PRR5: variants seen among roughly 807,000 people sequenced by gnomAD.
PRR5 encodes proline-rich protein 5.
PRR5 carries 25 observed loss-of-function variants against 30.6 expected under a neutral mutation model. The ratio of observed to expected loss-of-function variants is 0.82; its 90% CI spans 0.60 to 1.14. PRR5 has a LOEUF of 1.14. Ranked by LOEUF, PRR5 falls within the 50% of genes most tolerant of loss-of-function variation. PRR5 has a pLI of 0.00. For synonymous variants in PRR5, 286 were observed against 247.1 expected, an observed-to-expected ratio of 1.16 and a Z score of -1.48; for missense variants, 600 against 547.1, an observed-to-expected ratio of 1.10 and a Z score of -0.96.
intron 1 of PRR5, 115 bp from the exon 2 acceptor site, chr22:44,714,476 G>A: frequency 6.9e-7 from 1 of 1,439,386 alleles, no homozygotes; most frequent in Admixed American, 1.8e-5. Flanking sequence ...GCAGGGTCCT[G>A]CAGGGATGGC....
Position 44,724,396 on chromosome 22 carries a change from C to T in PRR5, c.216-848C>T, listed in dbSNP as rs757436361. Among the ~76,000 whole-genome samples the T allele has an allele frequency of 4.6e-4, 70 of 152,096 alleles. 1 individual carries two copies. The highest frequency in any genetic ancestry group is 3.4e-3 in the Middle Eastern group (1 of 292). On this transcript the variant is annotated intron_variant, in intron 2 of 7. Transcript: ENST00000336985. Reference sequence around the variant, plus strand: ...CAACCTCTAGGTTGAGATTGTGCCACTGTACTCCAGCCTGGGTGACAAAGC... The same window carrying T: ...CAACCTCTAGGTTGAGATTGTGCCATTGTACTCCAGCCTGGGTGACAAAGC...
chr22:44,712,259 T>C (rs1928361133), intron 1 of PRR5, among the ~76,000 whole-genome samples: 1 of 152,178 alleles, frequency 6.6e-6, no homozygotes, highest in South Asian at 2.1e-4. Context: ...CAGGGATACG[T>C]ATCTGGCGTG....
intron 2 of PRR5, among the ~76,000 whole-genome samples, chr22:44,715,661 G>C (rs1046330615): frequency 1.3e-5 from 2 of 152,042 alleles, no homozygotes; most frequent in Non-Finnish European, 2.9e-5. Context: ...GGGGCAGTTT[G>C]GTTTGGTTTT....
chr22:44,679,690 G>C, intron 1 of PRR5: 1 of 1,033,080 alleles, frequency 9.7e-7, no homozygotes, highest in Non-Finnish European at 1.4e-6. Flanking sequence ...TGGGCAACAA[G>C]AGCGAAACTC....
intron 2 of PRR5, among the ~76,000 whole-genome samples, chr22:44,716,933 G>T (rs984093525): frequency 1.3e-5 from 2 of 152,028 alleles, no homozygotes; most frequent in African/African-American, 2.4e-5. Context: ...ATGGTGGCAG[G>T]CACCTGTAGT....
At chr22:44,701,286 G>A, upstream of PRR5, among the ~76,000 whole-genome samples, 1 of 152,198 alleles carries the variant, frequency 6.6e-6, no homozygotes, top group East Asian at 1.9e-4. Flanking sequence ...GCTGGGGACT[G>A]GGAAGGGCCC....
chr22:44,678,280 T>G (rs1032319196), intron 1 of PRR5, among the ~76,000 whole-genome samples: 3 of 150,452 alleles, frequency 2.0e-5, no homozygotes, highest in Admixed American at 2.0e-4. Context: ...ATGCCTAGTC[T>G]GATTTTTTTT....
chr22:44,725,241 C>G lies in PRR5; in HGVS notation c.216-3C>G, dbSNP rs1015908274. 5 of 1,613,822 alleles carry G rather than the reference C, an allele frequency of 3.1e-6. No homozygotes were observed. Among genetic ancestry groups the G allele is most frequent in the Non-Finnish European group, 4.2e-6 (5 of 1,179,980 alleles). ...TCACTCTTGTCTCACCTCCCACCCA[C>G]AGGCAGCTGTTGAAGACAGAGCTGG... On this transcript the variant is annotated splice_region_variant and splice_polypyrimidine_tract_variant and intron_variant, in intron 2 of 7. Coordinates refer to ENST00000336985, the MANE Select transcript of PRR5 (RefSeq NM_181333.4).
At chr22:44,710,552 C>T (rs1023631851) in intron 1 of PRR5, among the ~76,000 whole-genome samples, 3 of 152,214 alleles carry the variant, frequency 2.0e-5, no homozygotes, top group African/African-American at 7.2e-5. Context: ...GGTTTCGTTT[C>T]TGTTTTGGGA....
chr22:44,734,968 G>T lies in PRR5; in HGVS notation c.556-59G>T, dbSNP rs576440507. The T allele has an allele frequency of 8.9e-4, 1,373 of 1,540,586 alleles. 7 individuals are homozygous for T. In the African/African-American group the frequency reaches 0.016, roughly 18 times the overall value. ...TGGTGGGTGGGACATATGGTTGAGA[G>T]CCTGGAGCCACCAAGCTCGGGTGCA... On this transcript the variant is annotated intron_variant, in intron 6 of 7. Transcript: ENST00000336985.
intron 4 of PRR5, chr22:44,729,169 G>A (rs1192452730): frequency 6.8e-6 from 3 of 442,870 alleles, no homozygotes; most frequent in African/African-American, 4.3e-5. Context: ...TGCCTTACAC[G>A]CTTGCCTCCA....
intron 1 of PRR5, among the ~76,000 whole-genome samples, chr22:44,713,327 C>T (rs1208314081): frequency 6.6e-6 from 1 of 152,236 alleles, no homozygotes; most frequent in Non-Finnish European, 1.5e-5. Context: ...GACTTCCCGA[C>T]CTCAGGTGAT....
chr22:44,695,449 G>T (rs1222690814), intron 1 of PRR5, among the ~76,000 whole-genome samples: 1 of 152,170 alleles, frequency 6.6e-6, no homozygotes, highest in African/African-American at 2.4e-5. Context: ...AGGTATTTTT[G>T]GTGTGTGATT....
intron 1 of PRR5, among the ~76,000 whole-genome samples, chr22:44,694,824 C>T (rs977296465): frequency 1.3e-5 from 2 of 152,126 alleles, no homozygotes; most frequent in African/African-American, 4.8e-5. Context: ...TCTCCCCACT[C>T]CAAGGACAGA....
chr22:44,697,158 G>T (rs773778081), intron 1 of PRR5, among the ~76,000 whole-genome samples: 1 of 152,154 alleles, frequency 6.6e-6, no homozygotes, highest in African/African-American at 2.4e-5. Context: ...TTCCCCAGTC[G>T]TGAAATGGGA....
chr22:44,686,808 T>C (rs935448136), intron 1 of PRR5, among the ~76,000 whole-genome samples: 2 of 152,208 alleles, frequency 1.3e-5, no homozygotes, highest in Non-Finnish European at 2.9e-5. Flanking sequence ...GAGACTGGGT[T>C]TTGCCATGCT....
chr22:44,705,584 C>G (rs1248450011), intron 1 of PRR5, among the ~76,000 whole-genome samples: 1 of 152,010 alleles, frequency 6.6e-6, no homozygotes, highest in East Asian at 1.9e-4. Flanking sequence ...CTCGGCCTCC[C>G]AAAGTGCTGG....
At chr22:44,690,697 A>G (rs1335994075) in intron 1 of PRR5, among the ~76,000 whole-genome samples, 1 of 152,198 alleles carries the variant, frequency 6.6e-6, no homozygotes, top group Admixed American at 6.5e-5. Flanking sequence ...TCTGAATCGC[A>G]CTTTACTACC....
upstream of PRR5, among the ~76,000 whole-genome samples, chr22:44,674,652 C>T (rs1923616101): frequency 6.6e-6 from 1 of 151,328 alleles, no homozygotes; most frequent in African/African-American, 2.4e-5. Context: ...ACCCGGGAGG[C>T]GGAGGTTGCA....
Sources: allele counts gnomAD v4.1 joint callset (sites outside exome capture counted in the v4.1 genomes callset), GRCh38; gene constraint gnomAD v4.1.1; transcripts MANE v1.5; gene names NCBI Gene and HGNC (gene_info 2026-07-23, HGNC 2026-07-21).